RAB11FIP2: variants seen among roughly 807,000 people sequenced by gnomAD.
The protein encoded by RAB11FIP2 is RAB11 family interacting protein 2.
In RAB11FIP2, 16 loss-of-function variants were observed where a neutral mutation model predicts 40.9. The ratio of observed to expected loss-of-function variants is 0.39; its 90% confidence interval spans 0.26 to 0.59. The LOEUF is 0.59. Among genes scored for constraint, RAB11FIP2 ranks in the 20% least tolerant of loss-of-function variants. The pLI, the probability that RAB11FIP2 is intolerant of heterozygous loss-of-function variation, is 0.53. For synonymous variants in RAB11FIP2, 228 were observed against 213.7 expected (o/e 1.07, Z -0.58); for missense variants, 532 against 606.2 (o/e 0.88, Z 1.28).
intron 3 of RAB11FIP2, among the ~76,000 whole-genome samples, chr10:118,028,327 A>T (rs910730836): frequency 6.6e-6 from 1 of 150,584 alleles, no homozygotes; most frequent in Non-Finnish European, 1.5e-5. Flanking sequence ...AATATTTATA[A>T]GTATTTATTA....
chr10:118,013,904 T>C (rs1286851379), intron 4 of RAB11FIP2, among the ~76,000 whole-genome samples: 1 of 152,148 alleles, frequency 6.6e-6, no homozygotes, highest in Non-Finnish European at 1.5e-5. Context: ...ATCGATTTTT[T>C]TGATGTTGCA....
intron 2 of RAB11FIP2, 33 bp downstream of exon 2, chr10:118,040,090 A>G (rs986521221): frequency 2.8e-5 from 44 of 1,560,886 alleles, no homozygotes; most frequent in Admixed American, 1.6e-4. Context: ...AGGGTAGTTC[A>G]GACCAATGAG....
chr10:118,009,334 C>T (rs929647800), intron 4 of RAB11FIP2, 109 bp from the exon 5 acceptor site: 14 of 1,045,764 alleles, frequency 1.3e-5, no homozygotes, highest in East Asian at 2.5e-5. Context: ...TGAAGTTTTT[C>T]GCTAGCCTTG....
At chr10:118,020,152 T>A (rs189806037) in intron 3 of RAB11FIP2, among the ~76,000 whole-genome samples, 2 of 152,166 alleles carry the variant, frequency 1.3e-5, no homozygotes, top group East Asian at 3.9e-4. Flanking sequence ...GTAACACAGT[T>A]AGTAAGTGGC....
intron 3 of RAB11FIP2, among the ~76,000 whole-genome samples, chr10:118,019,619 C>G (rs11198235): frequency 3.3e-5 from 5 of 151,726 alleles, no homozygotes; most frequent in Admixed American, 6.6e-5. Flanking sequence ...GTCAGGAGAT[C>G]GAGACCATCC....
At chr10:118,022,635 CA>C (rs1482117053) in intron 3 of RAB11FIP2, among the ~76,000 whole-genome samples, 1 of 152,168 alleles carries the variant, frequency 6.6e-6, no homozygotes, top group African/African-American at 2.4e-5. Flanking sequence ...GTTTGTTTGA[CA>C]AAAGTGCTTT....
At chr10:118,027,768 T>C (rs1435224722) in intron 3 of RAB11FIP2, among the ~76,000 whole-genome samples, 1 of 152,196 alleles carries the variant, frequency 6.6e-6, no homozygotes, top group African/African-American at 2.4e-5. Flanking sequence ...AATGATATAA[T>C]AGTATTTAGT....
intron 1 of RAB11FIP2, among the ~76,000 whole-genome samples, chr10:118,041,191 T>C (rs535022381): frequency 6.6e-6 from 1 of 151,678 alleles, no homozygotes; most frequent in African/African-American, 2.4e-5. Context: ...GAATAAAATA[T>C]GCAAAAAATA....
chr10:118,023,133 T>A (rs920922760), intron 3 of RAB11FIP2, among the ~76,000 whole-genome samples: 10 of 152,246 alleles, frequency 6.6e-5, no homozygotes, highest in African/African-American at 2.4e-4. Flanking sequence ...CAACTAGGTC[T>A]ACCAGGATAG....
chr10:118,044,964 ATTT>A (rs958029854), intron 1 of RAB11FIP2, among the ~76,000 whole-genome samples: 31 of 151,828 alleles, frequency 2.0e-4, no homozygotes, highest in Non-Finnish European at 4.4e-5. Flanking sequence ...CTAAAAACAT[ATTT>A]TTTTTCAATT....
chr10:118,040,252 A>T lies in RAB11FIP2; in HGVS notation c.667T>A (p.Ser223Thr), dbSNP rs1846538264. The T allele has an allele frequency of 6.2e-7, 1 of 1,613,748 alleles. No individual in the cohort carries two copies. Among genetic ancestry groups the T allele is most frequent in the African/African-American group, 1.3e-5 (1 of 74,904 alleles). ...AAATCAGACATTGAATGCGCTGACG[A>T]GAGTCGCTGAGGACCCAAGAGAAAA... ...KPFLLGPQRLSSAHSMSDLSG... is the reference protein window; with the variant it reads ...KPFLLGPQRLTSAHSMSDLSG... Residue 223 changes from serine (S) to threonine (T), a missense_variant, in exon 2 of 5, where the codon TCG becomes ACG. Ser to Thr is a moderately conservative substitution (Grantham distance 58). Transcript: ENST00000355624.
intron 1 of RAB11FIP2, among the ~76,000 whole-genome samples, chr10:118,043,820 C>T (rs912512866): frequency 6.6e-6 from 1 of 152,072 alleles, no homozygotes; most frequent in Non-Finnish European, 1.5e-5. Context: ...AATATACCGG[C>T]GGCTCAAGTC....
chr10:118,026,896 T>TA (rs1193646767), intron 3 of RAB11FIP2, among the ~76,000 whole-genome samples: 1 of 152,226 alleles, frequency 6.6e-6, no homozygotes, highest in Non-Finnish European at 1.5e-5. Context: ...TCTTGAAAGA[T>TA]ACTAGAAAAA....
rs750713527 is a variant in RAB11FIP2, at chr10:118,041,618, C to T, written c.354-1053G>A. On this transcript the variant is annotated intron_variant, in intron 1 of 4. Transcript: ENST00000355624. Reference sequence around the variant, plus strand: ...GTTATTATTTAAATATAGCTCTAATCGAGTGTAACAAATTTTCTTAGCTAC... The same window carrying T: ...GTTATTATTTAAATATAGCTCTAATTGAGTGTAACAAATTTTCTTAGCTAC... 7.9e-5 allele frequency among the ~76,000 whole-genome samples: 12 copies of T among 152,068 alleles called. No homozygotes were observed. The East Asian group carries it at 1.2e-3, about 15-fold the overall frequency.
At chr10:118,014,711 C>T (rs758350039) in intron 4 of RAB11FIP2, among the ~76,000 whole-genome samples, 1 of 151,988 alleles carries the variant, frequency 6.6e-6, no homozygotes, top group African/African-American at 2.4e-5. Flanking sequence ...CCAACAACAA[C>T]AAAAAATAGT....
At chr10:118,022,319 T>C (rs1846291629) in intron 3 of RAB11FIP2, among the ~76,000 whole-genome samples, 1 of 152,130 alleles carries the variant, frequency 6.6e-6, no homozygotes, top group Admixed American at 6.5e-5. Context: ...TCTCTGCCCA[T>C]CCCTCCTTGT....
Position 118,045,908 on chromosome 10 carries a change from C to T in RAB11FIP2, c.256G>A (p.Val86Ile). ...AGACCCACCAGGGACCTGTGCATAA[C>T]TATAAGGAAAAGAATGTATTTCTCT... Reference protein sequence around the residue: ...SPEKYILFLIVMHRSLVGLDK... With the variant: ...SPEKYILFLIIMHRSLVGLDK... The change falls in exon 1 of 5, where the codon GTT (valine) becomes ATT (isoleucine). Residue 86 changes from valine (V) to isoleucine (I), a missense_variant. Transcript: ENST00000355624. 1 of 1,614,212 alleles carries T rather than the reference C, an allele frequency of 6.2e-7. No homozygotes were observed. Among genetic ancestry groups the T allele is most frequent in the Non-Finnish European group, 8.5e-7 (1 of 1,180,032 alleles).
chr10:118,009,126 C>G lies in RAB11FIP2; in HGVS notation c.1411G>C (p.Asp471His). The change falls in exon 5 of 5, where the codon GAC becomes CAC. Residue 471 changes from aspartate (D) to histidine (H), a missense_variant. Coordinates refer to ENST00000355624, the MANE Select transcript of RAB11FIP2 (RefSeq NM_014904.3). ...VKHKELLRRK[D>H]THIRELEDYI... ...TCCTCGAGTTCCCGGATGTGGGTGT[C>G]TTTCCTCCTAAGGAGTTCTTTGTGT... 4 of 1,613,612 alleles carry G rather than the reference C, an allele frequency of 2.5e-6. No homozygotes were observed. The highest frequency in any genetic ancestry group is 3.4e-6 in the Non-Finnish European group (4 of 1,179,602).
intron 1 of RAB11FIP2, chr10:118,043,674 A>C (rs1475796986): frequency 6.6e-6 from 1 of 152,256 alleles, no homozygotes; most frequent in Non-Finnish European, 1.5e-5. Context: ...AAATGTAAAA[A>C]GTGTCACACC....
Sources: gnomAD v4.1 joint callset for allele counts (sites outside exome capture counted in the v4.1 genomes callset) on GRCh38, gnomAD v4.1.1 for gene constraint, MANE v1.5 for transcripts, NCBI Gene and HGNC (gene_info 2026-07-23, HGNC 2026-07-21) for gene names.